The following DIP2B variants were observed in gnomAD, a reference collection of about 807,000 sequenced individuals.
The protein encoded by DIP2B is DIP2 acetate--CoA ligase B (putative), also known as disco-interacting protein 2 homolog B.
A neutral mutation model predicts 198.0 loss-of-function variants in DIP2B; 76 were observed. That is an observed-to-expected ratio of 0.38 (90% confidence interval 0.32 to 0.46). DIP2B has a LOEUF of 0.46. DIP2B is among the 20% of genes least tolerant of loss of function. The probability of loss-of-function intolerance (pLI) is 0.99; values close to 1 mark genes in which losing one functional copy is unlikely to be tolerated. For synonymous variants in DIP2B, 701 were observed against 739.1 expected, an observed-to-expected ratio of 0.95 and a Z score of 0.84; for missense variants, 1,559 against 1,978.4, an observed-to-expected ratio of 0.79 and a Z score of 4.02.
chr12:50,674,376 A>G (rs1938908009), intron 5 of DIP2B, 98 bp from the exon 6 acceptor site: 1 of 1,318,176 alleles, frequency 7.6e-7, no homozygotes, highest in Non-Finnish European at 1.1e-6. Context: ...GCCCCCATTT[A>G]TGTACTTTTC....
intron 1 of DIP2B, among the ~76,000 whole-genome samples, chr12:50,619,046 T>C (rs1937754247): frequency 6.6e-6 from 1 of 152,114 alleles, no homozygotes; most frequent in Non-Finnish European, 1.5e-5. Context: ...CCCCACCCTC[T>C]ATCACCACCC....
At chr12:50,631,756 A>G (rs772331245) in intron 2 of DIP2B, among the ~76,000 whole-genome samples, 24 of 152,152 alleles carry the variant, frequency 1.6e-4, no homozygotes, top group Non-Finnish European at 4.4e-5. Flanking sequence ...CTTAAAGCAC[A>G]TTTTTTAGTA....
At chr12:50,646,429 T>C (rs1458747529) in intron 3 of DIP2B, among the ~76,000 whole-genome samples, 2 of 149,496 alleles carry the variant, frequency 1.3e-5, no homozygotes, top group Non-Finnish European at 3.0e-5. Context: ...TCTATTATTA[T>C]TATTATTTTT....
chr12:50,685,601 A>G (rs1291882344), intron 10 of DIP2B, among the ~76,000 whole-genome samples: 1 of 152,242 alleles, frequency 6.6e-6, no homozygotes, highest in Non-Finnish European at 1.5e-5. Context: ...GGTAGGATTT[A>G]TCATTTGTAA....
intron 2 of DIP2B, among the ~76,000 whole-genome samples, chr12:50,639,090 A>ATT (rs5798145): frequency 0.28 from 39,613 of 139,202 alleles, 6,591 homozygotes; most frequent in Non-Finnish European, 0.36. Flanking sequence ...AGTCTCCACA[A>ATT]TTTTTTTTTT....
chr12:50,539,434 A>G (rs1044698158), intron 1 of DIP2B, among the ~76,000 whole-genome samples: 6 of 151,888 alleles, frequency 4.0e-5, no homozygotes, highest in African/African-American at 1.4e-4. Flanking sequence ...CCTGGCCAAC[A>G]TGGTGAAACC....
At chr12:50,545,520 C>T (rs1264997273) in intron 1 of DIP2B, among the ~76,000 whole-genome samples, 1 of 151,676 alleles carries the variant, frequency 6.6e-6, no homozygotes, top group Non-Finnish European at 1.5e-5. Context: ...GGACTACAGG[C>T]ATGTGCCACC....
intron 23 of DIP2B, among the ~76,000 whole-genome samples, chr12:50,715,865 G>C (rs67232413): frequency 0.052 from 7,871 of 152,306 alleles, 275 homozygotes; most frequent in Middle Eastern, 0.12. Flanking sequence ...TACTGGAATT[G>C]ATAACTAGCA....
intron 22 of DIP2B, among the ~76,000 whole-genome samples, chr12:50,710,878 G>A (rs530246515): frequency 1.1e-4 from 16 of 152,204 alleles, no homozygotes; most frequent in Non-Finnish European, 1.9e-4. Flanking sequence ...GTAGAACGGG[G>A]CAGATCTCTG....
At chr12:50,568,611 C>T (rs987780869) in intron 1 of DIP2B, among the ~76,000 whole-genome samples, 5 of 152,092 alleles carry the variant, frequency 3.3e-5, no homozygotes, top group African/African-American at 1.2e-4. Flanking sequence ...AGAAAATAGG[C>T]AGGAAACTCA....
intron 1 of DIP2B, among the ~76,000 whole-genome samples, chr12:50,581,732 C>T (rs770348192): frequency 6.6e-5 from 10 of 151,990 alleles, no homozygotes; most frequent in African/African-American, 1.2e-4. Context: ...ATCCACTCAA[C>T]TCCTGCTGAC....
At chr12:50,524,502 C>T (rs1437172530) in intron 1 of DIP2B, among the ~76,000 whole-genome samples, 1 of 152,066 alleles carries the variant, frequency 6.6e-6, no homozygotes, top group Non-Finnish European at 1.5e-5. Context: ...TTTCCTTCCT[C>T]CCTTCTCTCC....
intron 26 of DIP2B, 88 bp downstream of exon 26, chr12:50,721,484 C>T: frequency 6.4e-7 from 1 of 1,557,088 alleles, no homozygotes. Flanking sequence ...GAGCTACTCT[C>T]TATGACTTGC....
chr12:50,721,518 A>G (rs1381407214), intron 26 of DIP2B, 122 bp downstream of exon 26: 3 of 1,452,028 alleles, frequency 2.1e-6, no homozygotes, highest in Non-Finnish European at 1.9e-6. Flanking sequence ...CCCAACACTT[A>G]GAAGACCATG....
chr12:50,698,381 G>C lies in DIP2B; in HGVS notation c.2102G>C (p.Gly701Ala). The C allele has an allele frequency of 6.2e-7, 1 of 1,614,006 alleles. No individual in the cohort carries two copies. The highest frequency in any genetic ancestry group is 8.5e-7 in the Non-Finnish European group (1 of 1,179,940). ...GGAAGAGCCATTCTCTCAATGAATG[G>C]ATTGAGCTATGGGGTAATACGGGTC... Reference protein sequence around the residue: ...LPGRAILSMNGLSYGVIRVNT... With the variant: ...LPGRAILSMNALSYGVIRVNT... The change falls in exon 18 of 38, where the codon GGA becomes GCA. Residue 701 changes from glycine to alanine, a missense_variant. Coordinates refer to ENST00000301180, the MANE Select transcript of DIP2B (RefSeq NM_173602.3).
intron 2 of DIP2B, among the ~76,000 whole-genome samples, chr12:50,626,774 CT>C (rs10712216): frequency 0.59 from 78,854 of 132,564 alleles, 23,113 homozygotes; most frequent in Non-Finnish European, 0.65. Context: ...GAACTAATGG[CT>C]TTTTTTTTTT....
rs376065039 is a variant in DIP2B at position 50,555,177 on chromosome 12, G to T, written c.100+49937G>T. ...CTGTTTGCCCTTCTAGAAAATAACT[G>T]CAGTCTTCTGTAGGGTGAGGAAAAG... On this transcript the variant is annotated intron_variant, in intron 1 of 37. Coordinates refer to ENST00000301180, the MANE Select transcript of DIP2B (RefSeq NM_173602.3). 4.6e-4 allele frequency among the ~76,000 whole-genome samples: 70 copies of T among 152,234 alleles called. No homozygotes were observed. The South Asian group carries it at 0.014, about 31-fold the overall frequency.
intron 4 of DIP2B, 102 bp downstream of exon 4, chr12:50,660,421 C>G (rs1256294728): frequency 7.6e-7 from 1 of 1,314,192 alleles, no homozygotes. Flanking sequence ...AATCTTCTCC[C>G]CGCCATTAGA....
intron 23 of DIP2B, among the ~76,000 whole-genome samples, chr12:50,715,390 C>T (rs1022907579): frequency 2.0e-5 from 3 of 152,128 alleles, no homozygotes; most frequent in Non-Finnish European, 2.9e-5. Flanking sequence ...CATGTGTCTC[C>T]TCATCATGGG....
Sources: allele counts gnomAD v4.1 joint callset (sites outside exome capture counted in the v4.1 genomes callset), GRCh38; gene constraint gnomAD v4.1.1; transcripts MANE v1.5; gene names NCBI Gene and HGNC (gene_info 2026-07-23, HGNC 2026-07-21).